KCNT2: variants seen among roughly 807,000 people sequenced by gnomAD.
The protein encoded by KCNT2 is potassium sodium-activated channel subfamily T member 2.
In KCNT2, 67 loss-of-function variants were observed where a neutral mutation model predicts 153.8. The observed-to-expected ratio is 0.44, with a 90% confidence interval of 0.36 to 0.53. The LOEUF (loss-of-function observed/expected upper bound fraction) is 0.53. Ranked by LOEUF, KCNT2 falls within the 20% of genes least tolerant of loss-of-function variation. KCNT2 has a pLI of 0.00. For missense variants in KCNT2, 975 were observed against 1,354.8 expected, an observed-to-expected ratio of 0.72 and a Z score of 4.40; for synonymous variants, 500 against 458.8, an observed-to-expected ratio of 1.09 and a Z score of -1.15.
chr1:196,299,813 A>G (rs1661013168), intron 22 of KCNT2, among the ~76,000 whole-genome samples: 1 of 152,216 alleles, frequency 6.6e-6, no homozygotes, highest in South Asian at 2.1e-4. Context: ...TGTTTATAAC[A>G]GCATCATTTA....
intron 8 of KCNT2, among the ~76,000 whole-genome samples, chr1:196,454,413 G>A (rs1282439672): frequency 6.6e-6 from 1 of 151,766 alleles, no homozygotes; most frequent in Non-Finnish European, 1.5e-5. Flanking sequence ...GCTTATTGTT[G>A]TCATCTTTAT....
chr1:196,473,607 C>A (rs906901197), intron 5 of KCNT2, among the ~76,000 whole-genome samples: 2 of 152,042 alleles, frequency 1.3e-5, no homozygotes, highest in Non-Finnish European at 2.9e-5. Context: ...GTATTTATTG[C>A]TAAAAATAAA....
At chr1:196,370,025 A>T (rs551311773) in intron 14 of KCNT2, among the ~76,000 whole-genome samples, 19 of 152,154 alleles carry the variant, frequency 1.2e-4, no homozygotes, top group Non-Finnish European at 2.4e-4. Flanking sequence ...ATGAGATACC[A>T]TCTCACACCA....
chr1:196,270,882 G>T (rs895504404), intron 25 of KCNT2, among the ~76,000 whole-genome samples: 10 of 151,540 alleles, frequency 6.6e-5, no homozygotes, highest in Non-Finnish European at 1.3e-4. Context: ...ACACTACAAG[G>T]TAGGCCAGAG....
chr1:196,461,466 A>G (rs1677149522), intron 8 of KCNT2, among the ~76,000 whole-genome samples: 1 of 151,834 alleles, frequency 6.6e-6, no homozygotes, highest in African/African-American at 2.4e-5. Flanking sequence ...ATATGAAAAT[A>G]TATAAACACA....
chr1:196,320,967 C>A (rs549112828), intron 19 of KCNT2, among the ~76,000 whole-genome samples: 1 of 150,492 alleles, frequency 6.6e-6, no homozygotes, highest in Admixed American at 6.6e-5. Context: ...CTTCCGAAGA[C>A]CTTATTTTCT....
chr1:196,600,899 T>C (rs529774479), intron 1 of KCNT2, among the ~76,000 whole-genome samples: 151 of 152,320 alleles, frequency 9.9e-4, no homozygotes, highest in African/African-American at 3.4e-3. Context: ...CCACCTTCAC[T>C]TGTATCCTAC....
At chr1:196,564,165 T>C (rs921477415) in intron 1 of KCNT2, among the ~76,000 whole-genome samples, 1 of 151,770 alleles carries the variant, frequency 6.6e-6, no homozygotes, top group African/African-American at 2.4e-5. Context: ...AGGACTTCAG[T>C]GGAGTTGCAG....
intron 3 of KCNT2, among the ~76,000 whole-genome samples, chr1:196,489,308 A>T (rs7552572): frequency 0.98 from 149,476 of 152,056 alleles, 73,519 homozygotes; most frequent in Middle Eastern, 1. Context: ...ATTCAGGCAA[A>T]GATCCTTGCT....
intron 1 of KCNT2, among the ~76,000 whole-genome samples, chr1:196,537,410 G>A (rs1392848411): frequency 3.3e-5 from 5 of 152,194 alleles, no homozygotes; most frequent in Admixed American, 6.5e-5. Flanking sequence ...TATCAAGTCC[G>A]TAATAGACGG....
At chr1:196,367,769 A>C (rs1668166476) in intron 14 of KCNT2, among the ~76,000 whole-genome samples, 1 of 152,150 alleles carries the variant, frequency 6.6e-6, no homozygotes. Context: ...TAAAATACTT[A>C]ATGTTTCAGG....
intron 27 of KCNT2, among the ~76,000 whole-genome samples, chr1:196,232,812 A>G (rs1654069369): frequency 6.6e-6 from 1 of 151,640 alleles, no homozygotes; most frequent in South Asian, 2.1e-4. Flanking sequence ...AAGGGTGACA[A>G]CATTTTCTTT....
chr1:196,251,760 G>T (rs1655991605), intron 26 of KCNT2, among the ~76,000 whole-genome samples: 2 of 151,918 alleles, frequency 1.3e-5, no homozygotes, highest in Non-Finnish European at 2.9e-5. Context: ...TAAGTGGATT[G>T]GTTATAACAC....
intron 13 of KCNT2, among the ~76,000 whole-genome samples, chr1:196,394,342 G>T (rs1053073399): frequency 1.3e-5 from 2 of 151,570 alleles, no homozygotes; most frequent in African/African-American, 4.8e-5. Context: ...TAAAGTGAGA[G>T]ATGATAATGG....
chr1:196,474,110 A>G (rs2148682150), intron 5 of KCNT2, among the ~76,000 whole-genome samples: 2 of 152,298 alleles, frequency 1.3e-5, no homozygotes, highest in Middle Eastern at 6.8e-3. Context: ...GCACGGACAC[A>G]TCATTTTTAA....
At chr1:196,581,463 C>G (rs935309201) in intron 1 of KCNT2, among the ~76,000 whole-genome samples, 2 of 151,986 alleles carry the variant, frequency 1.3e-5, no homozygotes, top group Admixed American at 6.6e-5. Context: ...TTTACTTGCT[C>G]TTTACTGAAA....
chr1:196,315,108 G>C (rs1662577129), intron 21 of KCNT2, among the ~76,000 whole-genome samples: 1 of 151,678 alleles, frequency 6.6e-6, no homozygotes, highest in South Asian at 2.1e-4. Flanking sequence ...TATGAAAGTG[G>C]AGTGAACATG....
intron 12 of KCNT2, among the ~76,000 whole-genome samples, chr1:196,412,193 G>A (rs925640365): frequency 1.3e-5 from 2 of 151,628 alleles, no homozygotes; most frequent in South Asian, 2.1e-4. Flanking sequence ...TCTCCCCAGT[G>A]TTCTCTTTTT....
In KCNT2 at chr1:196,562,566, G is replaced by A. The variant is rs567915735; in HGVS notation, c.95+45649C>T. Among the ~76,000 whole-genome samples the A allele has an allele frequency of 1.1e-4, 16 of 152,070 alleles. No homozygotes were observed. In the South Asian group the frequency reaches 3.3e-3, roughly 32 times the overall value. On this transcript the variant is annotated intron_variant, in intron 1 of 27. Transcript: ENST00000294725. ...TGGACATGAAAGGAGCAGCAAATAT[G>A]GGGGAGAGTCATGTGCTAGGTTTGA...
Sources: gnomAD v4.1 joint callset for allele counts (sites outside exome capture counted in the v4.1 genomes callset) on GRCh38, gnomAD v4.1.1 for gene constraint, MANE v1.5 for transcripts, NCBI Gene and HGNC (gene_info 2026-07-23, HGNC 2026-07-21) for gene names.